RINT1: variants seen among roughly 807,000 people sequenced by gnomAD.
RINT1 encodes the protein RAD50-interacting protein 1.
A neutral mutation model predicts 97.7 loss-of-function variants in RINT1; 75 were observed. That is an observed-to-expected ratio of 0.77 (90% CI 0.64 to 0.93). The LOEUF is 0.93. Ranked by LOEUF, RINT1 falls within the 40% of genes least tolerant of loss-of-function variation. RINT1 has a pLI of 0.00. For missense variants in RINT1, 892 were observed against 925.2 expected (o/e 0.96, Z 0.47); for synonymous variants, 303 against 326.3 (o/e 0.93, Z 0.77).
At chr7:105,538,640 T>A (rs1030305268) in intron 3 of RINT1, among the ~76,000 whole-genome samples, 6 of 152,230 alleles carry the variant, frequency 3.9e-5, no homozygotes, top group Non-Finnish European at 8.8e-5. Context: ...CAACTGTTCT[T>A]TCAGATTCTG....
At chr7:105,556,065 A>G (rs1791166631) in intron 11 of RINT1, among the ~76,000 whole-genome samples, 1 of 151,520 alleles carries the variant, frequency 6.6e-6, no homozygotes, top group Admixed American at 6.6e-5. Context: ...CTATCACTCA[A>G]CTTCTTTTTT....
At chr7:105,537,361 C>T (rs746971424) in intron 3 of RINT1, among the ~76,000 whole-genome samples, 50 of 151,586 alleles carry the variant, frequency 3.3e-4, no homozygotes, top group Non-Finnish European at 5.6e-4. Context: ...AACTCCTGAC[C>T]GCAGGTGATC....
intron 12 of RINT1, among the ~76,000 whole-genome samples, chr7:105,564,770 G>T (rs1791617487): frequency 1.3e-5 from 2 of 152,132 alleles, no homozygotes; most frequent in South Asian, 4.1e-4. Flanking sequence ...GGAGGCCAAG[G>T]CGGGCAGATT....
rs1260686427 is a variant in RINT1 at position 105,532,307 on chromosome 7, G to A, written c.-9G>A. ...TGCGAATGGAGCCGAGGACTCGCGC[G>A]GAGGCGAGATGCTACCAGCCGGCGA... On this transcript the variant is annotated 5_prime_UTR_variant, in exon 1 of 15. Coordinates refer to ENST00000257700, the MANE Select transcript of RINT1 (RefSeq NM_021930.6). 3 of 1,582,148 alleles carry A rather than the reference G, an allele frequency of 1.9e-6. No individual in the cohort carries two copies. Among genetic ancestry groups the A allele is most frequent in the African/African-American group, 2.7e-5 (2 of 74,294 alleles).
chr7:105,545,021 T>TAG (rs1790601845), intron 4 of RINT1, among the ~76,000 whole-genome samples: 1 of 152,184 alleles, frequency 6.6e-6, no homozygotes, highest in Non-Finnish European at 1.5e-5. Context: ...TTAGCATCCT[T>TAG]ACATTAGCTC....
At chr7:105,551,325 G>A (rs1790915097) in intron 9 of RINT1, among the ~76,000 whole-genome samples, 1 of 152,148 alleles carries the variant, frequency 6.6e-6, no homozygotes, top group African/African-American at 2.4e-5. Flanking sequence ...GAGCCACCGT[G>A]CCTGGCCAAT....
rs73192126 is a variant in RINT1 at position 105,534,968 on chromosome 7, T to A, written c.89-1597T>A. 2.0e-5 allele frequency among the ~76,000 whole-genome samples: 3 copies of A among 152,102 alleles called. No homozygotes were observed. The East Asian group carries it at 5.8e-4, about 29-fold the overall frequency. On this transcript the variant is annotated intron_variant, in intron 2 of 14. Transcript: ENST00000257700. ...AATCTTTACATAAATAGTTGACCAATATCTGACATTTACATTTTGCACTTA... is the reference window on the plus strand; with the variant it reads ...AATCTTTACATAAATAGTTGACCAAAATCTGACATTTACATTTTGCACTTA...
chr7:105,539,874 C>T (rs1005845494), intron 3 of RINT1, among the ~76,000 whole-genome samples: 6 of 152,130 alleles, frequency 3.9e-5, no homozygotes, highest in Non-Finnish European at 8.8e-5. Context: ...GCTTACAACA[C>T]TCTTATATAC....
chr7:105,555,399 GTAGT>G (rs1462316142), intron 11 of RINT1, 172 bp downstream of exon 11: 1 of 513,798 alleles, frequency 1.9e-6, no homozygotes, highest in African/African-American at 1.9e-5. Flanking sequence ...CAAATCTCAA[GTAGT>G]TAAATAGTCC....
At chr7:105,549,115 G>C (rs944617232) in intron 7 of RINT1, among the ~76,000 whole-genome samples, 1 of 151,578 alleles carries the variant, frequency 6.6e-6, no homozygotes, top group African/African-American at 2.4e-5. Context: ...AGCCTCCCAA[G>C]TAGCTGGGAC....
At chr7:105,550,236 A>G (rs1790867015) in intron 8 of RINT1, 25 bp from the exon 9 acceptor site, 3 of 1,609,300 alleles carry the variant, frequency 1.9e-6, no homozygotes, top group Non-Finnish European at 2.6e-6. Context: ...TTATTTACAT[A>G]CCTCATGTTT....
intron 2 of RINT1, among the ~76,000 whole-genome samples, chr7:105,533,269 C>T (rs1790106029): frequency 6.6e-6 from 1 of 152,132 alleles, no homozygotes; most frequent in African/African-American, 2.4e-5. Flanking sequence ...AGGCAAATGA[C>T]AGTTGTTTAG....
intron 4 of RINT1, among the ~76,000 whole-genome samples, chr7:105,545,497 ATTC>A (rs1231517608): frequency 6.7e-6 from 1 of 148,566 alleles, no homozygotes; most frequent in Admixed American, 6.8e-5. Flanking sequence ...TACATTTGAA[ATTC>A]TTCTGTAATA....
At chr7:105,560,241 C>G (rs1186616841) in intron 11 of RINT1, among the ~76,000 whole-genome samples, 1 of 152,126 alleles carries the variant, frequency 6.6e-6, no homozygotes, top group African/African-American at 2.4e-5. Context: ...TCTCATATGT[C>G]CATCTCTGAA....
intron 10 of RINT1, 147 bp downstream of exon 10, chr7:105,551,854 C>A (rs1790941599): frequency 1.8e-6 from 1 of 550,884 alleles, no homozygotes; most frequent in Non-Finnish European, 3.0e-6. Flanking sequence ...TTGCTTGAGC[C>A]CAGGAGTTCG....
chr7:105,545,516 A>G (rs1028175866), intron 4 of RINT1, among the ~76,000 whole-genome samples: 113 of 142,104 alleles, frequency 8.0e-4, no homozygotes, highest in African/African-American at 2.6e-3. Context: ...TAATATTTGT[A>G]TATATATATA....
intron 11 of RINT1, among the ~76,000 whole-genome samples, chr7:105,559,579 G>C (rs905065809): frequency 6.7e-6 from 1 of 149,888 alleles, no homozygotes; most frequent in Non-Finnish European, 1.5e-5. Context: ...GAAAAAGCCA[G>C]GTGTGGTGGC....
chr7:105,538,309 C>T (rs1790327331), intron 3 of RINT1, among the ~76,000 whole-genome samples: 2 of 152,138 alleles, frequency 1.3e-5, no homozygotes, highest in African/African-American at 4.8e-5. Flanking sequence ...ACATTTTTAT[C>T]ATATAGCTAC....
chr7:105,542,779 G>A lies in RINT1; in HGVS notation c.515+130G>A, dbSNP rs890447637. 5.3e-6 allele frequency: 5 copies of A among 946,770 alleles called. No homozygotes were observed. The African/African-American group carries it at 6.9e-5, about 13-fold the overall frequency. The allele number at this position is 946,770 out of a possible 1,614,324, so 58.6% of individuals were successfully genotyped here. On this transcript the variant is annotated intron_variant, in intron 4 of 14. Coordinates refer to ENST00000257700, the MANE Select transcript of RINT1 (RefSeq NM_021930.6). ...ATAATATAATTTTACCAGTTGTTGT[G>A]AAAATAGCATTATGATAATGATTCT...
Sources: gnomAD v4.1 joint callset for allele counts (sites outside exome capture counted in the v4.1 genomes callset) on GRCh38, gnomAD v4.1.1 for gene constraint, MANE v1.5 for transcripts, NCBI Gene and HGNC (gene_info 2026-07-23, HGNC 2026-07-21) for gene names.